Variants in LRBA observed in about 807,000 individuals in gnomAD.
LRBA encodes the protein LPS responsive beige-like anchor protein.
A neutral mutation model predicts 330.0 loss-of-function variants in LRBA; 176 were observed. The observed-to-expected ratio is 0.53, with a 90% confidence interval of 0.47 to 0.60. The LOEUF (loss-of-function observed/expected upper bound fraction) is 0.60, where lower values mean the gene tolerates loss of function less well. LRBA is among the 20% of genes least tolerant of loss of function. LRBA has a pLI of 0.00. For synonymous variants in LRBA, 1,230 were observed against 1,193.0 expected (o/e 1.03, Z -0.64); for missense variants, 3,259 against 3,444.8 (o/e 0.95, Z 1.35).
intron 34 of LRBA, among the ~76,000 whole-genome samples, chr4:150,794,385 C>A (rs1249360188): frequency 6.6e-6 from 1 of 151,478 alleles, no homozygotes; most frequent in East Asian, 1.9e-4. Flanking sequence ...ATATTAATAT[C>A]ATATATTCAG....
At chr4:150,550,727 C>T (rs1766476041) in intron 40 of LRBA, among the ~76,000 whole-genome samples, 2 of 152,160 alleles carry the variant, frequency 1.3e-5, no homozygotes, top group South Asian at 4.1e-4. Flanking sequence ...CATTTGTGTG[C>T]TCATTCATAA....
intron 37 of LRBA, among the ~76,000 whole-genome samples, chr4:150,621,867 G>C (rs1461060382): frequency 6.6e-6 from 1 of 152,066 alleles, no homozygotes; most frequent in Non-Finnish European, 1.5e-5. Flanking sequence ...TTGTACTGAG[G>C]GCAATGCTGT....
intron 46 of LRBA, among the ~76,000 whole-genome samples, chr4:150,427,913 G>C (rs913151471): frequency 2.6e-5 from 4 of 151,952 alleles, no homozygotes; most frequent in Non-Finnish European, 5.9e-5. Flanking sequence ...CATGGTAGAA[G>C]ATGTGCTGCT....
At chr4:150,560,011 T>G (rs2152269053) in intron 40 of LRBA, among the ~76,000 whole-genome samples, 1 of 135,000 alleles carries the variant, frequency 7.4e-6, no homozygotes, top group East Asian at 2.0e-4. Context: ...TCGATGAAAC[T>G]CAAGTATGGA....
rs1434640241 is a variant in LRBA, at chr4:150,654,765, T to A, written c.5921+28786A>T. Among the ~76,000 whole-genome samples the A allele has an allele frequency of 2.0e-5, 3 of 152,248 alleles. No homozygotes were observed. In the East Asian group the frequency reaches 5.8e-4, roughly 29 times the overall value. On this transcript the variant is annotated intron_variant, in intron 37 of 56. Coordinates refer to ENST00000651943, the MANE Select transcript of LRBA (RefSeq NM_001364905.1). ...GTGTCCATGTGTTCTCATTGTTCGATTCCCACCTATGAGTGAGAACATGCG... is the reference window on the plus strand; with the variant it reads ...GTGTCCATGTGTTCTCATTGTTCGAATCCCACCTATGAGTGAGAACATGCG...
chr4:150,952,943 C>G (rs1353538227), intron 2 of LRBA, among the ~76,000 whole-genome samples: 1 of 152,052 alleles, frequency 6.6e-6, no homozygotes, highest in Admixed American at 6.5e-5. Flanking sequence ...CTTCTGTTTC[C>G]CTGACCCCTC....
At chr4:150,572,693 C>A (rs1770016626) in intron 40 of LRBA, among the ~76,000 whole-genome samples, 1 of 152,120 alleles carries the variant, frequency 6.6e-6, no homozygotes, top group African/African-American at 2.4e-5. Context: ...AACTTCCACT[C>A]CTCAACCTAA....
chr4:150,840,767 C>T (rs955185663), intron 28 of LRBA: 5 of 265,904 alleles, frequency 1.9e-5, no homozygotes, highest in African/African-American at 9.2e-5. Flanking sequence ...ACTAGTTCAA[C>T]ACAGAGTTGC....
At chr4:151,005,513 A>T (rs1743939701) in intron 2 of LRBA, among the ~76,000 whole-genome samples, 1 of 149,004 alleles carries the variant, frequency 6.7e-6, no homozygotes, top group African/African-American at 2.5e-5. Flanking sequence ...ATACTAGAAA[A>T]CTATACAGAG....
At chr4:150,615,048 T>G (rs1178940886) in intron 37 of LRBA, among the ~76,000 whole-genome samples, 1 of 152,178 alleles carries the variant, frequency 6.6e-6, no homozygotes, top group African/African-American at 2.4e-5. Flanking sequence ...GAGCAAAGAC[T>G]TGAAGGAGGT....
chr4:150,418,863 G>A (rs1748159223), intron 46 of LRBA, among the ~76,000 whole-genome samples: 1 of 151,978 alleles, frequency 6.6e-6, no homozygotes, highest in African/African-American at 2.4e-5. Flanking sequence ...CTAGGTGAAG[G>A]AGGAGTCAAA....
chr4:150,784,045 A>G (rs1738653055), intron 34 of LRBA, among the ~76,000 whole-genome samples: 1 of 152,232 alleles, frequency 6.6e-6, no homozygotes, highest in African/African-American at 2.4e-5. Context: ...AAATTGGACC[A>G]GAATCTAATT....
At chr4:150,709,635 T>G (rs545997608) in intron 36 of LRBA, among the ~76,000 whole-genome samples, 9 of 152,124 alleles carry the variant, frequency 5.9e-5, no homozygotes, top group Non-Finnish European at 1.0e-4. Flanking sequence ...CTACTATGTA[T>G]AGGCAATGTA....
chr4:150,934,374 AC>A (rs1561026346), intron 2 of LRBA, among the ~76,000 whole-genome samples: 1 of 152,184 alleles, frequency 6.6e-6, no homozygotes, highest in Non-Finnish European at 1.5e-5. Context: ...AACAGATACA[AC>A]ACATCTGCAG....
chr4:150,599,225 C>CT, intron 37 of LRBA, 94 bp from the exon 38 acceptor site: 2 of 1,351,570 alleles, frequency 1.5e-6, no homozygotes, highest in Non-Finnish European at 1.0e-6. Context: ...TTTGCTCTGC[C>CT]TTTTTTTCCC....
intron 36 of LRBA, among the ~76,000 whole-genome samples, chr4:150,695,476 C>G (rs1362126644): frequency 1.3e-5 from 2 of 152,176 alleles, no homozygotes; most frequent in Admixed American, 1.3e-4. Context: ...GCACACATCA[C>G]CATGCCCAGC....
chr4:150,554,719 C>T (rs1767069012), intron 40 of LRBA, among the ~76,000 whole-genome samples: 1 of 152,012 alleles, frequency 6.6e-6, no homozygotes, highest in Non-Finnish European at 1.5e-5. Flanking sequence ...CTCATTTCTG[C>T]TTACTTTTTC....
chr4:150,763,374 A>C (rs548754210), intron 34 of LRBA, among the ~76,000 whole-genome samples: 12 of 152,130 alleles, frequency 7.9e-5, no homozygotes, highest in African/African-American at 2.9e-4. Flanking sequence ...AACATTTAGA[A>C]ATTCATGACT....
chr4:150,674,395 TAA>T (rs747748057), intron 37 of LRBA, among the ~76,000 whole-genome samples: 4 of 137,590 alleles, frequency 2.9e-5, no homozygotes, highest in African/African-American at 5.3e-5. Context: ...CAGTAAAGTC[TAA>T]AAAAAAAAAA....
Sources: allele counts gnomAD v4.1 joint callset (sites outside exome capture counted in the v4.1 genomes callset), GRCh38; gene constraint gnomAD v4.1.1; transcripts MANE v1.5; gene names NCBI Gene and HGNC (gene_info 2026-07-23, HGNC 2026-07-21).